ANLN: variants seen among roughly 807,000 people sequenced by gnomAD.
ANLN encodes the protein anillin.
In ANLN, 59 loss-of-function variants were observed where a neutral mutation model predicts 135.1. The ratio of observed to expected loss-of-function variants is 0.44; its 90% CI spans 0.35 to 0.54. The LOEUF (loss-of-function observed/expected upper bound fraction) is 0.54. Among genes scored for constraint, ANLN ranks in the 20% least tolerant of loss-of-function variants. The pLI is 0.00. For synonymous variants in ANLN, 406 were observed against 456.4 expected, an observed-to-expected ratio of 0.89 and a Z score of 1.41; for missense variants, 1,182 against 1,340.0, an observed-to-expected ratio of 0.88 and a Z score of 1.84.
intron 4 of ANLN, 22 bp from the exon 5 acceptor site, chr7:36,407,712 C>G: frequency 6.5e-7 from 1 of 1,544,340 alleles, no homozygotes; most frequent in Non-Finnish European, 8.9e-7. Context: ...TGTTGTTTAC[C>G]CTAAGTGTTT....
intron 1 of ANLN, 94 bp downstream of exon 1, chr7:36,390,138 C>T: frequency 6.3e-7 from 1 of 1,595,752 alleles, no homozygotes; most frequent in South Asian, 1.1e-5. Context: ...CCCCACCGGG[C>T]GGAGGGCGCG....
chr7:36,431,115 T>G (rs532611803), intron 20 of ANLN, among the ~76,000 whole-genome samples: 1 of 152,282 alleles, frequency 6.6e-6, no homozygotes, highest in South Asian at 2.1e-4. Context: ...AACAATGGAA[T>G]TCTGTTAAAT....
chr7:36,429,598 G>A (rs1162354849), intron 20 of ANLN, among the ~76,000 whole-genome samples: 2 of 152,144 alleles, frequency 1.3e-5, no homozygotes, highest in Non-Finnish European at 2.9e-5. Context: ...CAAAATGCTG[G>A]ATGGTATTTT....
intron 5 of ANLN, among the ~76,000 whole-genome samples, chr7:36,409,256 G>T (rs930388839): frequency 2.6e-5 from 4 of 152,174 alleles, no homozygotes; most frequent in African/African-American, 4.8e-5. Context: ...ATACTTCATT[G>T]TATTCTTAAT....
chr7:36,401,779 A>G (rs1786963839), intron 3 of ANLN, among the ~76,000 whole-genome samples: 1 of 118,328 alleles, frequency 8.5e-6, no homozygotes, highest in South Asian at 2.4e-4. Flanking sequence ...AACAACAACA[A>G]CAAACAAATA....
At chr7:36,442,731 A>G (rs1267288500) in intron 21 of ANLN, among the ~76,000 whole-genome samples, 1 of 152,012 alleles carries the variant, frequency 6.6e-6, no homozygotes, top group Non-Finnish European at 1.5e-5. Context: ...TCCCGGGTTC[A>G]CGCCATTCTC....
intron 22 of ANLN, among the ~76,000 whole-genome samples, chr7:36,445,048 T>A (rs1788933635): frequency 6.6e-6 from 1 of 151,988 alleles, no homozygotes; most frequent in Admixed American, 6.6e-5. Flanking sequence ...AGAGATAACT[T>A]CTACCCTAAA....
At chr7:36,439,390 T>G (rs1788672983) in intron 21 of ANLN, 100 bp downstream of exon 21, 1 of 718,164 alleles carries the variant, frequency 1.4e-6, no homozygotes, top group East Asian at 2.8e-5. Flanking sequence ...AAGTAATAAG[T>G]TGGTTCAGTA....
At chr7:36,422,030 C>G (rs773489068) in intron 13 of ANLN, 38 bp downstream of exon 13, 1 of 1,590,186 alleles carries the variant, frequency 6.3e-7, no homozygotes. Flanking sequence ...CAACAAATTT[C>G]TAACCAGGGA....
intron 7 of ANLN, 142 bp downstream of exon 7, chr7:36,411,308 A>C: frequency 1.6e-6 from 1 of 616,874 alleles, no homozygotes; most frequent in East Asian, 3.0e-5. Flanking sequence ...AATCCCTTAA[A>C]TGTGTGTACC....
chr7:36,438,358 C>T (rs1788630307), intron 20 of ANLN, among the ~76,000 whole-genome samples: 1 of 152,124 alleles, frequency 6.6e-6, no homozygotes, highest in African/African-American at 2.4e-5. Context: ...CTTATGCCAG[C>T]ACCACACTGG....
In ANLN at chr7:36,448,056, C is replaced by A. The variant is rs560275667; in HGVS notation, c.3079-1609C>A. Among the ~76,000 whole-genome samples the A allele has an allele frequency of 2.0e-5, 3 of 152,090 alleles. No homozygotes were observed. In the East Asian group the frequency reaches 5.8e-4, roughly 29 times the overall value. ...TTGAGACAGGGTCTCGCTCTGTTGCCCAGGCTGGAGTGCAGTGGCACGATC... is the reference window on the plus strand; with the variant it reads ...TTGAGACAGGGTCTCGCTCTGTTGCACAGGCTGGAGTGCAGTGGCACGATC... On this transcript the variant is annotated intron_variant, in intron 22 of 23. Transcript: ENST00000265748.
chr7:36,404,610 C>T (rs1787110988), intron 3 of ANLN, among the ~76,000 whole-genome samples: 1 of 152,090 alleles, frequency 6.6e-6, no homozygotes, highest in Admixed American at 6.5e-5. Context: ...ATTTTCTTTC[C>T]TTATTTAGTT....
intron 3 of ANLN, among the ~76,000 whole-genome samples, chr7:36,404,192 A>G (rs1787092409): frequency 6.6e-6 from 1 of 151,616 alleles, no homozygotes; most frequent in Non-Finnish European, 1.5e-5. Flanking sequence ...CTGGTCTCGA[A>G]CTCCTGACCT....
chr7:36,404,399 C>A (rs1402818569), intron 3 of ANLN, among the ~76,000 whole-genome samples: 1 of 152,212 alleles, frequency 6.6e-6, no homozygotes, highest in African/African-American at 2.4e-5. Context: ...CAATTGCCAT[C>A]ATTCACACCA....
chr7:36,429,561 T>C (rs996526690), intron 20 of ANLN, among the ~76,000 whole-genome samples: 32 of 152,348 alleles, frequency 2.1e-4, no homozygotes, highest in African/African-American at 7.0e-4. Context: ...TTACAAACAT[T>C]CTCTTGGTTA....
intron 21 of ANLN, among the ~76,000 whole-genome samples, chr7:36,442,272 C>T (rs1289552205): frequency 3.3e-5 from 5 of 152,178 alleles, no homozygotes; most frequent in Middle Eastern, 3.2e-3. Flanking sequence ...TTCTTAGCTT[C>T]TCAACAATCA....
rs1428756835 is a variant in ANLN, at chr7:36,424,547, A to C, written c.2606A>C (p.Gln869Pro). 6.3e-7 allele frequency: 1 copy of C among 1,596,434 alleles called. No individual in the cohort carries two copies. Among genetic ancestry groups the C allele is most frequent in the Non-Finnish European group, 8.5e-7 (1 of 1,170,634 alleles). ...ALTFTTTFTL[Q>P]DVSNDFEINI... ...TACTTAATGCTTTATTTTTCCAGGCAAGATGTATCCAATGACTTTGAAATA... is the reference window on the plus strand; with the variant it reads ...TACTTAATGCTTTATTTTTCCAGGCCAGATGTATCCAATGACTTTGAAATA... Residue 869 changes from glutamine (Q) to proline (P), a missense_variant and splice_region_variant, in exon 16 of 24, where the codon CAA becomes CCA. By Grantham distance (76) the Gln-to-Pro change is moderately conservative (BLOSUM62 -1). Transcript: ENST00000265748.
At chr7:36,410,028 T>C (rs197368) in intron 5 of ANLN, among the ~76,000 whole-genome samples, 89,740 of 151,900 alleles carry the variant, frequency 0.59, 27,215 homozygotes, top group South Asian at 0.76. Flanking sequence ...AATGAATAAT[T>C]CCTAATTTTC....
Sources: allele counts gnomAD v4.1 joint callset (sites outside exome capture counted in the v4.1 genomes callset), GRCh38; gene constraint gnomAD v4.1.1; transcripts MANE v1.5; gene names NCBI Gene and HGNC (gene_info 2026-07-23, HGNC 2026-07-21).